The following CR1L variants were observed in gnomAD, a reference collection of about 807,000 sequenced individuals.
CR1L encodes complement C3b/C4b receptor 1 like, also known as complement component receptor 1-like protein.
Under a neutral mutation model 62.3 loss-of-function variants are expected in CR1L, and 59 were observed. The observed-to-expected ratio is 0.95, with a 90% CI of 0.77 to 1.18. The LOEUF is 1.18. Ranked by LOEUF, CR1L falls within the 50% of genes most tolerant of loss-of-function variation. The pLI, the probability that CR1L is intolerant of heterozygous loss-of-function variation, is 0.00. For missense variants in CR1L, 700 were observed against 702.8 expected (o/e 1.00, Z 0.04); for synonymous variants, 279 against 248.7 (o/e 1.12, Z -1.15).
chr1:207,648,766 G>A (rs1162097194), intron 1 of CR1L, among the ~76,000 whole-genome samples: 5 of 152,090 alleles, frequency 3.3e-5, no homozygotes, highest in South Asian at 2.1e-4. Flanking sequence ...TTCCTCACTC[G>A]GCATACTACA....
At chr1:207,669,202 A>C (rs1663569384) in intron 1 of CR1L, 1 of 363,812 alleles carries the variant, frequency 2.7e-6, no homozygotes, top group Admixed American at 4.1e-5. Flanking sequence ...CTGCTGCTGC[A>C]CCTGGGTCAG....
intron 1 of CR1L, among the ~76,000 whole-genome samples, chr1:207,651,666 A>T (rs1663226057): frequency 6.6e-6 from 1 of 152,120 alleles, no homozygotes; most frequent in East Asian, 1.9e-4. Context: ...GGAGAAAAAA[A>T]AAACTACAAA....
chr1:207,689,120 G>A (rs1430207297), intron 4 of CR1L, among the ~76,000 whole-genome samples: 2 of 151,910 alleles, frequency 1.3e-5, no homozygotes, highest in Non-Finnish European at 2.9e-5. Flanking sequence ...GTAGATTTTT[G>A]TATGATATCC....
At chr1:207,665,758 A>G (rs1298379715) in intron 1 of CR1L, among the ~76,000 whole-genome samples, 1 of 152,198 alleles carries the variant, frequency 6.6e-6, no homozygotes, top group East Asian at 1.9e-4. Flanking sequence ...ATTTCCTCCA[A>G]TAGAATATTG....
chr1:207,666,289 G>A (rs1052988098), intron 1 of CR1L, among the ~76,000 whole-genome samples: 1 of 152,154 alleles, frequency 6.6e-6, no homozygotes, highest in African/African-American at 2.4e-5. Context: ...TGACATAATT[G>A]GCTTTCTTTA....
rs534554764 is a variant in CR1L, at chr1:207,665,106, T to G, written c.98-12283T>G. ...TCTTGCTCTGTTGCCCAGGCTGGAG[T>G]GCAGTGGCATGATCTCGGCTCACTG... On this transcript the variant is annotated intron_variant, in intron 1 of 11. Coordinates refer to ENST00000508064, the MANE Select transcript of CR1L (RefSeq NM_175710.2). Among the ~76,000 whole-genome samples, 4 of 152,276 alleles carry G rather than the reference T, an allele frequency of 2.6e-5. No individual in the cohort carries two copies. In the East Asian group the frequency reaches 7.7e-4, roughly 29 times the overall value.
At chr1:207,683,719 G>C (rs1440099846) in intron 3 of CR1L, among the ~76,000 whole-genome samples, 153 bp from the exon 4 acceptor site, 2 of 152,200 alleles carry the variant, frequency 1.3e-5, no homozygotes, top group Non-Finnish European at 2.9e-5. Context: ...AAAGTCCCAA[G>C]AATGTGAAAT....
chr1:207,707,088 A>T (rs551374585), intron 9 of CR1L, among the ~76,000 whole-genome samples: 1 of 152,354 alleles, frequency 6.6e-6, no homozygotes, highest in African/African-American at 2.4e-5. Context: ...ACATGCACAC[A>T]TATAAAATTA....
intron 8 of CR1L, among the ~76,000 whole-genome samples, chr1:207,700,933 C>CT (rs1350129049): frequency 1.3e-5 from 2 of 152,228 alleles, no homozygotes; most frequent in African/African-American, 4.8e-5. Context: ...TGCACTGGAT[C>CT]TTTCCCATGT....
At chr1:207,699,385 T>C in intron 8 of CR1L, 111 bp downstream of exon 8, 2 of 1,330,248 alleles carry the variant, frequency 1.5e-6, no homozygotes, top group African/African-American at 1.5e-5. Context: ...GAATTATTGA[T>C]TTGAAAATTT....
chr1:207,678,232 T>C lies in CR1L; in HGVS notation c.312T>C (p.Asn104=), dbSNP rs764759772. 2.4e-5 allele frequency: 39 copies of C among 1,613,640 alleles called. No homozygotes were observed. In the Admixed American group the frequency reaches 3.8e-4, roughly 16 times the overall value. ...GTCGTAATCCTCCAGATCCTGTGAA[T>C]GGCATGGCACATGTGATCAAAGACA... ...KSCRNPPDPV[N]GMAHVIKDIQ... is the part of the protein sequence containing the mutation. The change falls in exon 3 of 12, where the codon AAT becomes AAC. Residue 104 remains asparagine (N), a synonymous_variant. Coordinates refer to ENST00000508064, the MANE Select transcript of CR1L (RefSeq NM_175710.2).
chr1:207,712,717 C>T (rs1179186669), intron 10 of CR1L, among the ~76,000 whole-genome samples: 1 of 152,204 alleles, frequency 6.6e-6, no homozygotes, highest in African/African-American at 2.4e-5. Context: ...CCTCTCTTTC[C>T]CCCTCACATG....
chr1:207,680,300 A>G (rs1191183806), intron 3 of CR1L, among the ~76,000 whole-genome samples: 1 of 152,208 alleles, frequency 6.6e-6, no homozygotes, highest in Non-Finnish European at 1.5e-5. Flanking sequence ...TTTTTTTTAA[A>G]CTACATAAAA....
chr1:207,696,539 A>G (rs1200007589), intron 5 of CR1L, among the ~76,000 whole-genome samples: 2 of 152,174 alleles, frequency 1.3e-5, no homozygotes, highest in African/African-American at 4.8e-5. Context: ...ATCACCAGGC[A>G]TTGATTAGTC....
rs1383001066 is a variant in CR1L at position 207,694,956 on chromosome 1, C to T, written c.862+205C>T. On this transcript the variant is annotated intron_variant, in intron 5 of 11. Transcript: ENST00000508064. ...AGCAAAGCTAAACCTGGACAAGGAA[C>T]GTGATGTTTCTTTGGAGTTCTTATA... 2.6e-5 allele frequency among the ~76,000 whole-genome samples: 4 copies of T among 152,248 alleles called. No homozygotes were observed. The East Asian group carries it at 7.7e-4, about 29-fold the overall frequency.
chr1:207,659,067 C>T (rs1663364496), intron 1 of CR1L: 1 of 152,884 alleles, frequency 6.5e-6, no homozygotes, highest in African/African-American at 2.4e-5. Flanking sequence ...GCCGCCCCAC[C>T]TCCCAGCTCC....
chr1:207,721,195 C>CT (rs57399558), intron 11 of CR1L, among the ~76,000 whole-genome samples: 133 of 151,046 alleles, frequency 8.8e-4, no homozygotes, highest in South Asian at 6.1e-3. Flanking sequence ...ACAAAGTACC[C>CT]TTTTTTTTTA....
At chr1:207,652,124 G>A (rs11118253) in intron 1 of CR1L, among the ~76,000 whole-genome samples, 3 of 151,986 alleles carry the variant, frequency 2.0e-5, no homozygotes, top group African/African-American at 4.8e-5. Context: ...AGAGAAGACA[G>A]CCTGAAGTGA....
At chr1:207,684,625 G>A (rs1393048400) in intron 4 of CR1L, among the ~76,000 whole-genome samples, 2 of 152,084 alleles carry the variant, frequency 1.3e-5, no homozygotes, top group African/African-American at 4.8e-5. Flanking sequence ...TAGCTATGCA[G>A]AATGAAAATA....
Sources: allele counts gnomAD v4.1 joint callset (sites outside exome capture counted in the v4.1 genomes callset), GRCh38; gene constraint gnomAD v4.1.1; transcripts MANE v1.5; gene names NCBI Gene and HGNC (gene_info 2026-07-23, HGNC 2026-07-21).